The following CHIC2 variants were observed in gnomAD, a reference collection of about 807,000 sequenced individuals.
CHIC2 encodes cysteine-rich hydrophobic domain-containing protein 2.
A neutral mutation model predicts 25.9 loss-of-function variants in CHIC2; 14 were observed. The ratio of observed to expected loss-of-function variants is 0.54; its 90% CI spans 0.36 to 0.85. The LOEUF is 0.85. Ranked by LOEUF, CHIC2 falls within the 40% of genes least tolerant of loss-of-function variation. The pLI is 0.01. For missense variants in CHIC2, 146 were observed against 202.0 expected (o/e 0.72, Z 1.68); for synonymous variants, 70 against 72.0 (o/e 0.97, Z 0.14).
the CHIC2 span, among the ~76,000 whole-genome samples, chr4:54,081,443 G>A: frequency 5.3e-5 from 8 of 151,802 alleles, no homozygotes; most frequent in Admixed American, 3.3e-4. Flanking sequence ...ACTTATTATC[G>A]CTATTATTCT....
intron 3 of CHIC2, among the ~76,000 whole-genome samples, chr4:54,018,879 CTACT>C (rs1418043737): frequency 6.6e-6 from 1 of 151,872 alleles, no homozygotes; most frequent in Non-Finnish European, 1.5e-5. Flanking sequence ...GTTCAATTCC[CTACT>C]TAAATTTTAA....
intron 3 of CHIC2, among the ~76,000 whole-genome samples, chr4:54,044,047 G>C (rs1480239477): frequency 6.6e-6 from 1 of 152,114 alleles, no homozygotes; most frequent in Non-Finnish European, 1.5e-5. Context: ...AAGATCAAAA[G>C]AGACAAAGAA....
Position 54,064,070 on chromosome 4 carries a change from T to A in CHIC2, c.119+112A>T. On this transcript the variant is annotated intron_variant, in intron 1 of 5. Transcript: ENST00000263921. The surrounding 1 kb of genome is among the most constrained non-coding windows in gnomAD (Gnocchi z 4.2). ...AAGTTCTCACTTCCTGGTTGCCTAC[T>A]CTTTCGGAAGGCCCCCGACACCAGA... 1 of 883,188 alleles carries A rather than the reference T, an allele frequency of 1.1e-6. No homozygotes were observed. The highest frequency in any genetic ancestry group is 1.6e-5 in the South Asian group (1 of 62,866). 54.7% of individuals were successfully genotyped at this position (883,188 alleles called of 1,614,324 possible).
intron 1 of CHIC2, among the ~76,000 whole-genome samples, chr4:54,053,715 G>A (rs1402316136): frequency 6.6e-6 from 1 of 151,978 alleles, no homozygotes; most frequent in Non-Finnish European, 1.5e-5. Flanking sequence ...AAGACATTTT[G>A]TGTCATTTGT....
the CHIC2 span, among the ~76,000 whole-genome samples, chr4:54,070,526 G>C: frequency 6.6e-6 from 1 of 152,034 alleles, no homozygotes; most frequent in Non-Finnish European, 1.5e-5. Flanking sequence ...GGATTCAAGC[G>C]ATTCTCCTGC....
At chr4:54,015,152 A>C (rs1246461957) in intron 3 of CHIC2, among the ~76,000 whole-genome samples, 1 of 152,156 alleles carries the variant, frequency 6.6e-6, no homozygotes, top group Non-Finnish European at 1.5e-5. Context: ...TAGCATATTA[A>C]ACATGCTAAA....
intron 3 of CHIC2, among the ~76,000 whole-genome samples, chr4:54,044,753 CA>C (rs1716725768): frequency 6.6e-6 from 1 of 151,878 alleles, no homozygotes; most frequent in Non-Finnish European, 1.5e-5. Context: ...GAAGCAAGAG[CA>C]AACACATTCA....
At chr4:54,052,493 A>G (rs1717032187) in intron 1 of CHIC2, among the ~76,000 whole-genome samples, 1 of 152,194 alleles carries the variant, frequency 6.6e-6, no homozygotes, top group Non-Finnish European at 1.5e-5. Flanking sequence ...CAGTATTAGA[A>G]AGGCCAAGTT....
At chr4:54,013,978 A>C in intron 4 of CHIC2, 82 bp from the exon 5 acceptor site, 1 of 1,597,148 alleles carries the variant, frequency 6.3e-7, no homozygotes, top group Admixed American at 1.7e-5. Context: ...TCCACCTTTC[A>C]TATTTTTAGT....
At chr4:54,058,864 T>A (rs1717252898) in intron 1 of CHIC2, among the ~76,000 whole-genome samples, 2 of 152,120 alleles carry the variant, frequency 1.3e-5, no homozygotes, top group Non-Finnish European at 2.9e-5. Flanking sequence ...GAATAGTATT[T>A]GATTAGTATC....
chr4:54,050,719 A>G (rs1716983253), intron 1 of CHIC2, among the ~76,000 whole-genome samples: 1 of 152,228 alleles, frequency 6.6e-6, no homozygotes, highest in Non-Finnish European at 1.5e-5. Flanking sequence ...ACAGGTTTGT[A>G]GCCTAAGGGC....
the CHIC2 span, among the ~76,000 whole-genome samples, chr4:54,082,880 TC>T: frequency 6.6e-6 from 1 of 152,290 alleles, no homozygotes; most frequent in African/African-American, 2.4e-5. Flanking sequence ...ACAATGACTT[TC>T]CTGACCACCA....
chr4:54,067,515 A>G (rs553889288), upstream of CHIC2, among the ~76,000 whole-genome samples: 42 of 151,790 alleles, frequency 2.8e-4, no homozygotes, highest in African/African-American at 8.7e-4. Flanking sequence ...TCCTCCCCCA[A>G]TTTCTTCCTG....
intron 3 of CHIC2, among the ~76,000 whole-genome samples, chr4:54,037,564 T>C (rs766196803): frequency 1.3e-5 from 2 of 152,120 alleles, no homozygotes; most frequent in Non-Finnish European, 2.9e-5. Flanking sequence ...ATACTTTAAG[T>C]ATGTGTAGTT....
At chr4:54,073,000 C>G in the CHIC2 span, among the ~76,000 whole-genome samples, 36 of 151,922 alleles carry the variant, frequency 2.4e-4, no homozygotes, top group African/African-American at 3.4e-4. Flanking sequence ...CCCAGGAGGC[C>G]GAGCTTGCAG....
intron 3 of CHIC2, among the ~76,000 whole-genome samples, chr4:54,031,877 C>T (rs547366993): frequency 3.3e-5 from 5 of 152,194 alleles, no homozygotes; most frequent in Admixed American, 6.5e-5. Context: ...GCCTCGGCCT[C>T]TCAAAGTGCT....
the CHIC2 span, among the ~76,000 whole-genome samples, chr4:54,069,947 A>T: frequency 6.6e-6 from 1 of 152,228 alleles, no homozygotes; most frequent in Non-Finnish European, 1.5e-5. Flanking sequence ...GAGGACTGAC[A>T]GATAATTATA....
the CHIC2 span, among the ~76,000 whole-genome samples, chr4:54,078,874 A>G: frequency 4.6e-5 from 7 of 152,188 alleles, no homozygotes. Flanking sequence ...AAATTATACA[A>G]TCTTTGAAAT....
intron 3 of CHIC2, among the ~76,000 whole-genome samples, chr4:54,034,845 A>G (rs377430445): frequency 3.3e-5 from 5 of 152,328 alleles, no homozygotes; most frequent in African/African-American, 1.2e-4. Context: ...TCAGACCTTC[A>G]TTATTAAGTG....
Sources: allele counts gnomAD v4.1 joint callset (sites outside exome capture counted in the v4.1 genomes callset), GRCh38; gene constraint gnomAD v4.1.1; non-coding constraint Gnocchi (gnomAD v3.1); transcripts MANE v1.5; gene names NCBI Gene and HGNC (gene_info 2026-07-23, HGNC 2026-07-21).